ERAP1: variants seen among roughly 807,000 people sequenced by gnomAD.
ERAP1 encodes adipocyte-derived leucine aminopeptidase.
A neutral mutation model predicts 103.7 loss-of-function variants in ERAP1; 86 were observed. The ratio of observed to expected loss-of-function variants is 0.83; its 90% CI spans 0.70 to 0.99. The LOEUF is 0.99. ERAP1 is among the 50% of genes least tolerant of loss of function. ERAP1 has a pLI of 0.00. For synonymous variants in ERAP1, 398 were observed against 402.4 expected (o/e 0.99, Z 0.13); for missense variants, 1,009 against 1,128.4 (o/e 0.89, Z 1.52).
chr5:96,895,506 C>G, the ERAP1 span: 1 of 648,958 alleles, frequency 1.5e-6, no homozygotes, highest in South Asian at 1.8e-5. Flanking sequence ...CGAAACAGAT[C>G]ACAGAACTGG....
intron 3 of ERAP1, among the ~76,000 whole-genome samples, chr5:96,798,941 C>A (rs1480709018): frequency 7.0e-6 from 1 of 142,090 alleles, no homozygotes; most frequent in African/African-American, 2.6e-5. Flanking sequence ...AATCTTGACT[C>A]ACTGCAACCT....
At chr5:96,914,981 C>T in the ERAP1 span, among the ~76,000 whole-genome samples, 2 of 151,222 alleles carry the variant, frequency 1.3e-5, no homozygotes, top group Non-Finnish European at 2.9e-5. Flanking sequence ...TTTACCATAC[C>T]TTAACATATG....
chr5:96,808,070 G>T (rs1778868335), upstream of ERAP1: 1 of 985,486 alleles, frequency 1.0e-6, no homozygotes, highest in African/African-American at 1.7e-5. Context: ...GCCGAGCGAG[G>T]GAAGCCGCAA....
At chr5:96,874,789 G>A in the ERAP1 span, among the ~76,000 whole-genome samples, 1 of 152,212 alleles carries the variant, frequency 6.6e-6, no homozygotes, top group Non-Finnish European at 1.5e-5. Flanking sequence ...ATGTGCTATT[G>A]GGCCAAACAT....
At chr5:96,895,352 T>G in the ERAP1 span, 6,116 of 1,603,844 alleles carry the variant, frequency 3.8e-3, 22 homozygotes, top group Middle Eastern at 0.021. Flanking sequence ...TATCCAGAGC[T>G]GCAATTTGTA....
the ERAP1 span, among the ~76,000 whole-genome samples, chr5:96,861,274 A>G: frequency 7.2e-5 from 11 of 152,198 alleles, no homozygotes; most frequent in East Asian, 5.8e-4. Flanking sequence ...CCCTGGGGAC[A>G]TCTTCATGTT....
chr5:96,868,558 T>G, the ERAP1 span, among the ~76,000 whole-genome samples: 3 of 152,182 alleles, frequency 2.0e-5, no homozygotes, highest in South Asian at 6.2e-4. Flanking sequence ...CACTCAGCCA[T>G]TCAGGAATTG....
At chr5:96,863,685 A>AT in the ERAP1 span, among the ~76,000 whole-genome samples, 10 of 151,922 alleles carry the variant, frequency 6.6e-5, no homozygotes, top group South Asian at 2.1e-4. Flanking sequence ...TTCCTACCTG[A>AT]TTTTTTCATA....
chr5:96,765,350 AAAAT>A, intron 19 of ERAP1: 3 of 861,762 alleles, frequency 3.5e-6, no homozygotes, highest in South Asian at 1.6e-5. Context: ...AAAAAAAAAA[AAAAT>A]TCACTAATAG....
the ERAP1 span, among the ~76,000 whole-genome samples, chr5:96,882,625 G>C: frequency 6.6e-6 from 1 of 152,144 alleles, no homozygotes; most frequent in Non-Finnish European, 1.5e-5. Flanking sequence ...CAAAGATTCA[G>C]GTTTTTTTGT....
chr5:96,859,904 C>A, the ERAP1 span, among the ~76,000 whole-genome samples: 1 of 152,070 alleles, frequency 6.6e-6, no homozygotes, highest in Non-Finnish European at 1.5e-5. Context: ...AATTTAAAAT[C>A]CCCTCTAGCT....
intron 19 of ERAP1, chr5:96,769,396 G>GA (rs1219836867): frequency 7.6e-6 from 1 of 131,264 alleles, no homozygotes; most frequent in Non-Finnish European, 1.6e-5. Context: ...GTTTTTTTTT[G>GA]TTTTTTTTTT....
the ERAP1 span, among the ~76,000 whole-genome samples, chr5:96,929,770 A>G: frequency 2.6e-5 from 4 of 152,248 alleles, no homozygotes; most frequent in African/African-American, 9.6e-5. Context: ...CATTTACAAT[A>G]ATATACCACT....
the ERAP1 span, among the ~76,000 whole-genome samples, chr5:96,856,960 T>C: frequency 1.3e-5 from 2 of 152,242 alleles, no homozygotes; most frequent in Admixed American, 1.3e-4. Context: ...GCTTTCTGCA[T>C]CCTGATGCCC....
In ERAP1 at chr5:96,774,513, A is replaced by AG; in HGVS notation, c.*1882_*1883insC. 1.0e-6 allele frequency: 1 copy of AG among 986,398 alleles called. No homozygotes were observed. The allele number at this position is 986,398 out of a possible 1,614,324, so 61.1% of individuals were successfully genotyped here. On this transcript the variant is annotated 3_prime_UTR_variant, in exon 19 of 19. Coordinates refer to ENST00000443439, the MANE Select transcript of ERAP1 (RefSeq NM_001040458.3). ...AGGCAAAGAACAATTTTTTATTATC[A>AG]AAAAGGTTTCTGCACATTGTTGTGG...
upstream of ERAP1, among the ~76,000 whole-genome samples, chr5:96,809,588 T>C (rs1211035593): frequency 6.6e-6 from 1 of 152,232 alleles, no homozygotes; most frequent in African/African-American, 2.4e-5. Flanking sequence ...TTTTATAATA[T>C]AAAGATTAAC....
the ERAP1 span, among the ~76,000 whole-genome samples, chr5:96,823,320 T>C: frequency 6.6e-6 from 1 of 151,234 alleles, no homozygotes; most frequent in East Asian, 1.9e-4. Flanking sequence ...TGGAAACACA[T>C]TGGTAGCCTG....
At position 96,788,597 on chromosome 5, in the gene ERAP1, C is replaced by T. The variant is rs142305981; in HGVS notation, c.1613G>A (p.Arg538Lys). The part of the protein sequence containing the change: ...KGFPLITITV[R>K]GRNVHMKQEH... The stretch of plus-strand genomic sequence containing the variant: ...TTGCTTCATGTGTACATTCCTCCCC[C>T]TCACTGTGATGGTTATTAGGGGAAA... Residue 538 changes from arginine to lysine, a missense_variant, in exon 11 of 19, where the codon AGG (arginine) becomes AAG (lysine). Physicochemically the swap from Arg to Lys is conservative, Grantham distance 26 (BLOSUM62 2). Coordinates refer to ENST00000443439, the MANE Select transcript of ERAP1 (RefSeq NM_001040458.3). 1,424 of 1,614,082 alleles carry T rather than the reference C, an allele frequency of 8.8e-4. 2 individuals are homozygous for T. The highest frequency in any genetic ancestry group is 1.2e-3 in the Non-Finnish European group (1,382 of 1,180,030).
rs781771452 is a variant in ERAP1, at chr5:96,784,089, G to A, written c.1944-9C>T. The A allele has an allele frequency of 8.1e-6, 13 of 1,613,894 alleles. No individual in the cohort carries two copies. In the South Asian group the frequency reaches 9.9e-5, roughly 12 times the overall value. ...TGGACAGCTTCCCAATGCTGACCAA[G>A]AGACACTGTGGTTAGTGGTTTAAAA... On this transcript the variant is annotated splice_polypyrimidine_tract_variant and intron_variant, in intron 13 of 18. Coordinates refer to ENST00000443439, the MANE Select transcript of ERAP1 (RefSeq NM_001040458.3).
Sources: allele counts gnomAD v4.1 joint callset (sites outside exome capture counted in the v4.1 genomes callset), GRCh38; gene constraint gnomAD v4.1.1; transcripts MANE v1.5; gene names NCBI Gene and HGNC (gene_info 2026-07-23, HGNC 2026-07-21).